SGCG: variants seen among roughly 807,000 people sequenced by gnomAD.
SGCG encodes the protein sarcoglycan gamma, also known as gamma-sarcoglycan.
SGCG carries 26 observed loss-of-function variants against 29.3 expected under a neutral mutation model. The ratio of observed to expected loss-of-function variants is 0.89; its 90% CI spans 0.65 to 1.23. SGCG has a LOEUF of 1.23. Ranked by LOEUF, SGCG falls within the 50% of genes most tolerant of loss-of-function variation. The pLI is 0.00. For synonymous variants in SGCG, 145 were observed against 129.7 expected, an observed-to-expected ratio of 1.12 and a Z score of -0.80; for missense variants, 353 against 356.0, an observed-to-expected ratio of 0.99 and a Z score of 0.07.
intron 6 of SGCG, among the ~76,000 whole-genome samples, chr13:23,301,643 T>C (rs1423366168): frequency 6.6e-6 from 1 of 152,102 alleles, no homozygotes; most frequent in Non-Finnish European, 1.5e-5. Flanking sequence ...TCCCAGCACT[T>C]TGGAAGGCCG....
At chr13:23,196,032 AT>A (rs1877493597) in intron 1 of SGCG, among the ~76,000 whole-genome samples, 1 of 151,964 alleles carries the variant, frequency 6.6e-6, no homozygotes, top group East Asian at 1.9e-4. Flanking sequence ...TCCTTACAGT[AT>A]TTTTCCTATG....
At chr13:23,281,218 T>G (rs1287262749) in intron 5 of SGCG, among the ~76,000 whole-genome samples, 1 of 151,994 alleles carries the variant, frequency 6.6e-6, no homozygotes, top group African/African-American at 2.4e-5. Context: ...TGCGTGCCTG[T>G]GGTCCCAGCT....
chr13:23,262,413 G>A (rs1880475543), intron 4 of SGCG, among the ~76,000 whole-genome samples: 1 of 151,834 alleles, frequency 6.6e-6, no homozygotes, highest in Non-Finnish European at 1.5e-5. Flanking sequence ...ACCAAAAAAT[G>A]TAGTTATATA....
intron 2 of SGCG, among the ~76,000 whole-genome samples, chr13:23,217,210 A>G (rs570234315): frequency 1.3e-5 from 2 of 152,154 alleles, no homozygotes; most frequent in East Asian, 1.9e-4. Context: ...TATGTTTCCT[A>G]TTAGTTATTA....
intron 2 of SGCG, among the ~76,000 whole-genome samples, chr13:23,231,945 C>G (rs1162928911): frequency 6.6e-6 from 1 of 152,010 alleles, no homozygotes; most frequent in Non-Finnish European, 1.5e-5. Context: ...ATGACGAAAC[C>G]CCATCTCTAC....
chr13:23,205,476 G>A (rs1029352037), intron 2 of SGCG, among the ~76,000 whole-genome samples: 8 of 152,160 alleles, frequency 5.3e-5, no homozygotes, highest in African/African-American at 9.7e-5. Context: ...TGGGAGTGAC[G>A]AGAAGCCCAG....
chr13:23,239,886 C>A (rs1879443889), intron 3 of SGCG, among the ~76,000 whole-genome samples: 1 of 151,798 alleles, frequency 6.6e-6, no homozygotes, highest in African/African-American at 2.4e-5. Flanking sequence ...CAAAAGGAGG[C>A]AAAGGAAACA....
At chr13:23,305,375 A>G (rs575863310) in intron 6 of SGCG, among the ~76,000 whole-genome samples, 1 of 152,294 alleles carries the variant, frequency 6.6e-6, no homozygotes, top group African/African-American at 2.4e-5. Context: ...TGTTAATTTT[A>G]TATCTCACTA....
At chr13:23,293,558 G>A (rs994009077) in intron 5 of SGCG, among the ~76,000 whole-genome samples, 6 of 152,134 alleles carry the variant, frequency 3.9e-5, no homozygotes, top group African/African-American at 7.2e-5. Flanking sequence ...GGCTGGGCGC[G>A]GTGGCTCACG....
chr13:23,288,389 C>T (rs1396374130), intron 5 of SGCG, among the ~76,000 whole-genome samples: 2 of 152,088 alleles, frequency 1.3e-5, no homozygotes, highest in East Asian at 3.9e-4. Context: ...AAACTCCTGA[C>T]TGCACCAAGT....
intron 5 of SGCG, among the ~76,000 whole-genome samples, chr13:23,282,639 A>G (rs960401644): frequency 6.6e-6 from 1 of 152,190 alleles, no homozygotes; most frequent in East Asian, 1.9e-4. Flanking sequence ...AGCTCCATCC[A>G]TGTCCCTAGA....
intron 5 of SGCG, among the ~76,000 whole-genome samples, chr13:23,290,787 T>TATATA (rs60208759): frequency 0.23 from 34,593 of 152,084 alleles, 4,064 homozygotes; most frequent in South Asian, 0.38. Flanking sequence ...ATGTCTGAGA[T>TATATA]ATATATTACT....
At chr13:23,206,551 T>TCTTTATTCA (rs1877987983) in intron 2 of SGCG, among the ~76,000 whole-genome samples, 1 of 152,252 alleles carries the variant, frequency 6.6e-6, no homozygotes, top group Non-Finnish European at 1.5e-5. Context: ...TTTATTCATT[T>TCTTTATTCA]GTTGTCTGTA....
chr13:23,270,615 T>G (rs1413618582), intron 4 of SGCG, among the ~76,000 whole-genome samples: 1 of 152,208 alleles, frequency 6.6e-6, no homozygotes. Flanking sequence ...GATTTTTCTA[T>G]CCAATTTTTA....
At chr13:23,195,692 G>GTA (rs1396621185) in intron 1 of SGCG, among the ~76,000 whole-genome samples, 1 of 151,780 alleles carries the variant, frequency 6.6e-6, no homozygotes, top group Admixed American at 6.6e-5. Flanking sequence ...GTGTGTGTGT[G>GTA]TATAATAAGG....
At chr13:23,261,791 C>A (rs1473354862) in intron 4 of SGCG, among the ~76,000 whole-genome samples, 1 of 152,016 alleles carries the variant, frequency 6.6e-6, no homozygotes, top group Non-Finnish European at 1.5e-5. Context: ...GAAAACCTAT[C>A]AGACTAACAG....
chr13:23,183,813 AT>A (rs1876848609), intron 1 of SGCG, among the ~76,000 whole-genome samples: 2 of 152,136 alleles, frequency 1.3e-5, no homozygotes, highest in African/African-American at 2.4e-5. Flanking sequence ...GATTACAGGC[AT>A]ATGCCACCAT....
intron 6 of SGCG, among the ~76,000 whole-genome samples, chr13:23,299,436 ATATATATATATATATATATAT>A (rs1483130464): frequency 1.8e-4 from 1 of 5,606 alleles, no homozygotes; most frequent in African/African-American, 4.1e-4. Flanking sequence ...ATATATATAT[ATATATATATATATATATATAT>A]TTTTTTTTTT....
intron 5 of SGCG, among the ~76,000 whole-genome samples, chr13:23,288,349 G>A (rs917341204): frequency 6.6e-6 from 1 of 152,164 alleles, no homozygotes; most frequent in East Asian, 1.9e-4. Context: ...GGGAAGATAA[G>A]GTGGCTCTCT....
Sources: allele counts gnomAD v4.1 joint callset (sites outside exome capture counted in the v4.1 genomes callset), GRCh38; gene constraint gnomAD v4.1.1; transcripts MANE v1.5; gene names NCBI Gene and HGNC (gene_info 2026-07-23, HGNC 2026-07-21).